The following PTPRD variants were observed in gnomAD, a reference collection of about 807,000 sequenced individuals.
The protein encoded by PTPRD is receptor-type tyrosine-protein phosphatase delta.
A neutral mutation model predicts 214.5 loss-of-function variants in PTPRD; 34 were observed. The ratio of observed to expected loss-of-function variants is 0.16; its 90% CI spans 0.12 to 0.21. The LOEUF (loss-of-function observed/expected upper bound fraction) is 0.21, where lower values mean the gene tolerates loss of function less well. Among genes scored for constraint, PTPRD ranks in the 10% least tolerant of loss-of-function variants. PTPRD has a pLI of 1.00. For synonymous variants in PTPRD, 1,128 were observed against 845.7 expected, an observed-to-expected ratio of 1.33 and a Z score of -5.79; for missense variants, 2,545 against 2,398.7, an observed-to-expected ratio of 1.06 and a Z score of -1.27.
intron 8 of PTPRD, among the ~76,000 whole-genome samples, chr9:9,462,910 T>C (rs2093791153): frequency 6.6e-6 from 1 of 152,164 alleles, no homozygotes; most frequent in Non-Finnish European, 1.5e-5. Context: ...AATGAAAGAA[T>C]CATCACATCA....
chr9:9,641,176 T>G (rs2095934524), intron 7 of PTPRD, among the ~76,000 whole-genome samples: 1 of 134,322 alleles, frequency 7.4e-6, no homozygotes. Context: ...GCTTAGCAAA[T>G]GTAGCTCCTT....
intron 9 of PTPRD, among the ~76,000 whole-genome samples, chr9:9,301,206 T>C (rs1400632855): frequency 6.6e-6 from 1 of 151,914 alleles, no homozygotes; most frequent in African/African-American, 2.4e-5. Flanking sequence ...TAAAGTTTTT[T>C]CTCAAACTAA....
intron 8 of PTPRD, among the ~76,000 whole-genome samples, chr9:9,408,487 A>C (rs2074308883): frequency 6.6e-6 from 1 of 151,836 alleles, no homozygotes; most frequent in Non-Finnish European, 1.5e-5. Context: ...GCCCTAAAAC[A>C]TTATAATAAA....
chr9:9,741,047 T>C (rs1232604109), intron 6 of PTPRD, among the ~76,000 whole-genome samples: 2 of 152,170 alleles, frequency 1.3e-5, no homozygotes, highest in African/African-American at 2.4e-5. Context: ...AATTTGAAGA[T>C]AAGGCAAAGA....
At chr9:10,347,699 T>G (rs1191895593) in intron 2 of PTPRD, among the ~76,000 whole-genome samples, 1 of 151,940 alleles carries the variant, frequency 6.6e-6, no homozygotes, top group Non-Finnish European at 1.5e-5. Flanking sequence ...CGTGAGTCAC[T>G]GCACCCGGCC....
chr9:9,510,042 C>T (rs2096662871), intron 8 of PTPRD, among the ~76,000 whole-genome samples: 1 of 151,550 alleles, frequency 6.6e-6, no homozygotes, highest in South Asian at 2.1e-4. Context: ...GACAAGGAGC[C>T]TCAAAATTGC....
chr9:9,433,520 T>G (rs1236992369), intron 8 of PTPRD, among the ~76,000 whole-genome samples: 1 of 151,658 alleles, frequency 6.6e-6, no homozygotes, highest in Non-Finnish European at 1.5e-5. Context: ...CTGTTTTGAC[T>G]TTAGAAACTA....
rs530081888 is a variant in PTPRD, at chr9:8,734,061, A to T, written c.-103-115T>A. The T allele has an allele frequency of 2.1e-4, 122 of 577,992 alleles. No homozygotes were observed. The African/African-American group carries it at 2.1e-3, about 10-fold the overall frequency. 35.8% of individuals were successfully genotyped at this position (577,992 alleles called of 1,614,324 possible). A position where few individuals can be genotyped will look rare whatever the true frequency, so the allele number is the denominator to read the frequency against. On this transcript the variant is annotated intron_variant, in intron 11 of 45. Coordinates refer to ENST00000381196, the MANE Select transcript of PTPRD (RefSeq NM_002839.4). ...ACCATGACAGACACAATCCATTGTA[A>T]ATACACAATAAATTGTAACTGTCAT... is the stretch of plus-strand genomic sequence containing the variant.
At position 8,457,116 on chromosome 9, in the gene PTPRD, T is replaced by C. The variant is rs184140292; in HGVS notation, c.3875+3295A>G. Among the ~76,000 whole-genome samples the C allele has an allele frequency of 1.6e-3, 240 of 152,276 alleles. 2 individuals carry two copies. Among genetic ancestry groups the C allele is most frequent in the Admixed American group, 2.7e-3 (42 of 15,290 alleles). On this transcript the variant is annotated intron_variant, in intron 33 of 45. Transcript: ENST00000381196. ...TCTGGTGTTTAATGTTTTCAGATTA[T>C]AGCGCATTATGATTAAAAAGGTCTA...
intron 42 of PTPRD, 82 bp from the exon 43 acceptor site, chr9:8,339,129 T>C (rs1449830112): frequency 3.0e-6 from 4 of 1,330,094 alleles, no homozygotes; most frequent in Admixed American, 2.6e-5. Context: ...ATCTAATCTA[T>C]CTAATTTCCT....
intron 7 of PTPRD, among the ~76,000 whole-genome samples, chr9:9,685,524 CTTAA>C (rs1232580334): frequency 1.3e-5 from 2 of 151,096 alleles, no homozygotes; most frequent in Non-Finnish European, 3.0e-5. Flanking sequence ...TATATTTGAA[CTTAA>C]TTTTTTCTGG....
intron 11 of PTPRD, among the ~76,000 whole-genome samples, chr9:8,798,898 G>C (rs998150630): frequency 1.3e-5 from 2 of 152,084 alleles, no homozygotes; most frequent in Non-Finnish European, 2.9e-5. Flanking sequence ...AAGTGCCTAT[G>C]AGATGTCATA....
At chr9:9,011,622 A>G (rs1310417370) in intron 11 of PTPRD, among the ~76,000 whole-genome samples, 1 of 152,168 alleles carries the variant, frequency 6.6e-6, no homozygotes, top group Non-Finnish European at 1.5e-5. Context: ...GCCTCTTACA[A>G]TAGGAAATGC....
intron 2 of PTPRD, among the ~76,000 whole-genome samples, chr9:10,407,583 G>T (rs1200662306): frequency 6.6e-6 from 1 of 151,448 alleles, no homozygotes; most frequent in Non-Finnish European, 1.5e-5. Context: ...AAGTCATAAG[G>T]TTTACAACTT....
chr9:9,305,591 A>G (rs1381745036), intron 9 of PTPRD, among the ~76,000 whole-genome samples: 5 of 152,152 alleles, frequency 3.3e-5, no homozygotes, highest in African/African-American at 1.2e-4. Flanking sequence ...CTTTAAAAGA[A>G]TATGTCCACC....
intron 6 of PTPRD, among the ~76,000 whole-genome samples, chr9:9,753,455 A>G (rs576832730): frequency 6.6e-6 from 1 of 152,178 alleles, no homozygotes; most frequent in African/African-American, 2.4e-5. Context: ...CCTTCAGGCT[A>G]AAGCACGCAA....
intron 11 of PTPRD, among the ~76,000 whole-genome samples, chr9:8,915,172 T>C (rs1229709123): frequency 2.0e-5 from 3 of 152,102 alleles, no homozygotes; most frequent in African/African-American, 7.2e-5. Context: ...CTAAAAACAA[T>C]AGAAAGCCTT....
chr9:10,492,730 T>G (rs1346671534), intron 2 of PTPRD, among the ~76,000 whole-genome samples: 2 of 152,170 alleles, frequency 1.3e-5, no homozygotes, highest in Admixed American at 1.3e-4. Flanking sequence ...AGATCCCATT[T>G]GTCAATTTTG....
intron 11 of PTPRD, among the ~76,000 whole-genome samples, chr9:8,929,771 ATATATATGGGTGTGTATATATGTGTGTG>A (rs1567061467): frequency 1.4e-5 from 1 of 72,188 alleles, no homozygotes; most frequent in African/African-American, 4.5e-5. Flanking sequence ...ATATATGTGT[ATATATATGGGTGTGTATATATGTGTGTG>A]TATATATGTG....
Sources: gnomAD v4.1 joint callset for allele counts (sites outside exome capture counted in the v4.1 genomes callset) on GRCh38, gnomAD v4.1.1 for gene constraint, MANE v1.5 for transcripts, NCBI Gene and HGNC (gene_info 2026-07-23, HGNC 2026-07-21) for gene names.